Variants in RANBP3 observed in about 807,000 individuals in gnomAD.
RANBP3 encodes ran-binding protein 3.
A neutral mutation model predicts 77.3 loss-of-function variants in RANBP3; 14 were observed. That is an observed-to-expected ratio of 0.18 (90% CI 0.12 to 0.28). The LOEUF (loss-of-function observed/expected upper bound fraction) is 0.28, where lower values mean the gene tolerates loss of function less well. Among genes scored for constraint, RANBP3 ranks in the 10% least tolerant of loss-of-function variants. The pLI is 1.00. For missense variants in RANBP3, 586 were observed against 752.3 expected (o/e 0.78, Z 2.59); for synonymous variants, 315 against 312.4 (o/e 1.01, Z -0.09).
chr19:5,938,461 G>A lies in RANBP3; in HGVS notation c.406+3160C>T, dbSNP rs961064571. Among the ~76,000 whole-genome samples the A allele has an allele frequency of 8.8e-4, 134 of 152,010 alleles. 2 individuals carry two copies. Among genetic ancestry groups the A allele is most frequent in the Admixed American group, 8.3e-3 (127 of 15,270 alleles). Reference sequence around the variant, plus strand: ...TCCTAGCACTTTGGGAGGCTGAGGCGGGAAGCTCGCTTGAGGTCAGGAGTT... The same window carrying A: ...TCCTAGCACTTTGGGAGGCTGAGGCAGGAAGCTCGCTTGAGGTCAGGAGTT... On this transcript the variant is annotated intron_variant, in intron 5 of 16. Transcript: ENST00000340578.
In RANBP3 at chr19:5,932,485, G is replaced by T; in HGVS notation, c.532C>A (p.Gln178Lys). The change falls in exon 7 of 17, where the codon CAA becomes AAA. Residue 178 changes from glutamine to lysine, a missense_variant. Gln to Lys is a moderately conservative substitution (Grantham distance 53). Transcript: ENST00000340578. ...GACAGCGCCTTTGGCTGCGGAGCTTGTAACACTGCCGGGCGAAGCACGCTC... is the reference window on the plus strand; with the variant it reads ...GACAGCGCCTTTGGCTGCGGAGCTTTTAACACTGCCGGGCGAAGCACGCTC... ...QRSVLRPAVL[Q>K]APQPKALSQT... is the part of the protein sequence containing the mutation. The T allele has an allele frequency of 2.5e-6, 4 of 1,613,902 alleles. No homozygotes were observed. The highest frequency in any genetic ancestry group is 2.5e-6 in the Non-Finnish European group (3 of 1,180,010).
chr19:5,941,327 A>G (rs1030734911), intron 5 of RANBP3, among the ~76,000 whole-genome samples: 5 of 151,984 alleles, frequency 3.3e-5, no homozygotes, highest in African/African-American at 1.2e-4. Flanking sequence ...AGAGGCCCCA[A>G]CAGGGCTCTC....
At chr19:5,960,821 T>G (rs911925256) in intron 1 of RANBP3, among the ~76,000 whole-genome samples, 7 of 152,178 alleles carry the variant, frequency 4.6e-5, no homozygotes, top group Admixed American at 4.6e-4. Flanking sequence ...CGGAGCCTTC[T>G]GGACACACGG....
At position 5,932,554 on chromosome 19, in the gene RANBP3, G is replaced by C. The variant is rs2058007548; in HGVS notation, c.473-10C>G. On this transcript the variant is annotated splice_polypyrimidine_tract_variant and intron_variant, in intron 6 of 16. Coordinates refer to ENST00000340578, the MANE Select transcript of RANBP3 (RefSeq NM_007322.3). Reference sequence around the variant, plus strand: ...TTCTGGCTTGGCAGACCTAGGAACAGAAGGCGGCCTTCCCAGTGCCCGTGG... The same window carrying C: ...TTCTGGCTTGGCAGACCTAGGAACACAAGGCGGCCTTCCCAGTGCCCGTGG... 6.2e-7 allele frequency: 1 copy of C among 1,612,754 alleles called. No individual in the cohort carries two copies. The highest frequency in any genetic ancestry group is 1.3e-5 in the African/African-American group (1 of 75,056).
In RANBP3 at chr19:5,938,687, C is replaced by T. The variant is rs142418264; in HGVS notation, c.406+2934G>A. Among the ~76,000 whole-genome samples, 695 of 151,810 alleles carry T rather than the reference C, an allele frequency of 4.6e-3. 3 individuals are homozygous for T. Among genetic ancestry groups the T allele is most frequent in the African/African-American group, 0.016 (665 of 41,388 alleles). On this transcript the variant is annotated intron_variant, in intron 5 of 16. Coordinates refer to ENST00000340578, the MANE Select transcript of RANBP3 (RefSeq NM_007322.3). ...AGCCTGGGGGACAAGAGTGAAACTCCGTCTCCAAAACACACAAAAAGTTTT... is the reference window on the plus strand; with the variant it reads ...AGCCTGGGGGACAAGAGTGAAACTCTGTCTCCAAAACACACAAAAAGTTTT...
chr19:5,949,807 C>A (rs1306098589), intron 3 of RANBP3, among the ~76,000 whole-genome samples: 1 of 152,186 alleles, frequency 6.6e-6, no homozygotes, highest in Non-Finnish European at 1.5e-5. Flanking sequence ...TGAGGCCCCT[C>A]CAGACACTCC....
At chr19:5,940,670 C>A (rs1452363271) in intron 5 of RANBP3, among the ~76,000 whole-genome samples, 2 of 152,202 alleles carry the variant, frequency 1.3e-5, no homozygotes, top group Non-Finnish European at 2.9e-5. Flanking sequence ...AGGTTCAGGA[C>A]TGTAAAATGA....
chr19:5,922,362 C>T (rs2057833172), intron 13 of RANBP3, among the ~76,000 whole-genome samples: 1 of 152,174 alleles, frequency 6.6e-6, no homozygotes, highest in African/African-American at 2.4e-5. Context: ...AAGAACAGTG[C>T]TCTTAAGAAC....
At chr19:5,961,871 C>A (rs1232626312) in intron 1 of RANBP3, among the ~76,000 whole-genome samples, 2 of 151,956 alleles carry the variant, frequency 1.3e-5, no homozygotes, top group Non-Finnish European at 2.9e-5. Flanking sequence ...AGCCCGCTGT[C>A]GCTGCACGTC....
At chr19:5,944,030 C>T (rs976715770) in intron 3 of RANBP3, among the ~76,000 whole-genome samples, 2 of 151,912 alleles carry the variant, frequency 1.3e-5, no homozygotes, top group Admixed American at 1.3e-4. Flanking sequence ...TTACCTTGCC[C>T]AGCCTTCGGT....
At chr19:5,976,000 G>A (rs548345093) in intron 1 of RANBP3, among the ~76,000 whole-genome samples, 1 of 152,262 alleles carries the variant, frequency 6.6e-6, no homozygotes, top group South Asian at 2.1e-4. Flanking sequence ...GATGGGTAAG[G>A]GTGGAGGGAA....
chr19:5,937,392 G>A (rs2058081163), intron 5 of RANBP3, among the ~76,000 whole-genome samples: 2 of 152,272 alleles, frequency 1.3e-5, no homozygotes, highest in South Asian at 2.1e-4. Context: ...ATACTGGACA[G>A]GCCCCAACTG....
chr19:5,935,733 C>T (rs916258934), intron 5 of RANBP3: 6 of 456,654 alleles, frequency 1.3e-5, no homozygotes, highest in Admixed American at 2.3e-5. Flanking sequence ...GAGCTGCAGA[C>T]AGACAAGGCG....
chr19:5,960,666 A>G (rs2145223700), intron 1 of RANBP3, among the ~76,000 whole-genome samples: 1 of 152,360 alleles, frequency 6.6e-6, no homozygotes, highest in South Asian at 2.1e-4. Context: ...AGGAAGGGCT[A>G]GAAGAGAGAG....
At chr19:5,971,864 T>A (rs2058534381) in intron 1 of RANBP3, among the ~76,000 whole-genome samples, 1 of 152,202 alleles carries the variant, frequency 6.6e-6, no homozygotes, top group African/African-American at 2.4e-5. Flanking sequence ...GAGAAGGAAG[T>A]GGGCTAGGCC....
Position 5,958,400 on chromosome 19 carries a change from A to G in RANBP3, c.23-427T>C, listed in dbSNP as rs1328084898. ...AGGCCAGAGGGCAAAAAAAAGGGCC[A>G]CCGCTCGCGCTGTTTGCAGACAGTT... On this transcript the variant is annotated intron_variant, in intron 1 of 16. Transcript: ENST00000340578. The surrounding 1 kb of genome is among the most constrained non-coding windows in gnomAD (Gnocchi z 4.4). Among the ~76,000 whole-genome samples, 1 of 152,228 alleles carries G rather than the reference A, an allele frequency of 6.6e-6. No homozygotes were observed. The highest frequency in any genetic ancestry group is 1.9e-4 in the East Asian group (1 of 5,206).
intron 3 of RANBP3, among the ~76,000 whole-genome samples, chr19:5,944,862 C>A (rs2058183721): frequency 6.6e-6 from 1 of 152,326 alleles, no homozygotes; most frequent in East Asian, 1.9e-4. Flanking sequence ...ATCCAACGAG[C>A]CTTTCAACTG....
At chr19:5,919,885 G>A (rs1244170875) in intron 14 of RANBP3, among the ~76,000 whole-genome samples, 1 of 144,420 alleles carries the variant, frequency 6.9e-6, no homozygotes, top group Non-Finnish European at 1.5e-5. Flanking sequence ...TGGGCAACAA[G>A]GGCAAAACTC....
intron 2 of RANBP3, among the ~76,000 whole-genome samples, chr19:5,956,639 T>C (rs555769577): frequency 1.3e-5 from 2 of 152,260 alleles, no homozygotes; most frequent in South Asian, 4.1e-4. Context: ...GGGGGAGGTT[T>C]AGAACAACCA....
Sources: gnomAD v4.1 joint callset for allele counts (sites outside exome capture counted in the v4.1 genomes callset) on GRCh38, gnomAD v4.1.1 for gene constraint, Gnocchi (gnomAD v3.1) non-coding constraint, MANE v1.5 for transcripts, NCBI Gene and HGNC (gene_info 2026-07-23, HGNC 2026-07-21) for gene names.